GRXCR2: variants seen among roughly 807,000 people sequenced by gnomAD.
The protein encoded by GRXCR2 is glutaredoxin and cysteine rich domain containing 2, also known as glutaredoxin domain-containing cysteine-rich protein 2.
A neutral mutation model predicts 24.8 loss-of-function variants in GRXCR2; 23 were observed. The ratio of observed to expected loss-of-function variants is 0.93; its 90% CI spans 0.67 to 1.32. GRXCR2 has a LOEUF of 1.32. GRXCR2 is among the 40% of genes most tolerant of loss of function. GRXCR2 has a pLI of 0.00. For missense variants in GRXCR2, 315 were observed against 303.4 expected, an observed-to-expected ratio of 1.04 and a Z score of -0.28; for synonymous variants, 130 against 116.1, an observed-to-expected ratio of 1.12 and a Z score of -0.77.
intron 2 of GRXCR2, among the ~76,000 whole-genome samples, chr5:145,889,282 T>G (rs1459517246): frequency 6.6e-6 from 1 of 150,706 alleles, no homozygotes; most frequent in Non-Finnish European, 1.5e-5. Flanking sequence ...GGGGGAAGTG[T>G]TGGGGTTGGG....
At chr5:145,920,256 C>T (rs994786229) in intron 2 of GRXCR2, among the ~76,000 whole-genome samples, 2 of 152,174 alleles carry the variant, frequency 1.3e-5, no homozygotes, top group African/African-American at 2.4e-5. Flanking sequence ...CTGTCCTCAA[C>T]GTGTGGTCCT....
chr5:145,860,091 G>C (rs1172304979), intron 2 of GRXCR2, among the ~76,000 whole-genome samples, 176 bp from the exon 3 acceptor site: 4 of 152,192 alleles, frequency 2.6e-5, no homozygotes, highest in South Asian at 2.1e-4. Flanking sequence ...AATTTTATCA[G>C]AGAGGATTCC....
chr5:145,898,864 C>T (rs1310199869), intron 2 of GRXCR2, among the ~76,000 whole-genome samples: 1 of 151,762 alleles, frequency 6.6e-6, no homozygotes, highest in Non-Finnish European at 1.5e-5. Context: ...TTGAAGATGT[C>T]CACACTCACA....
chr5:145,878,707 A>T (rs1158929039), intron 2 of GRXCR2, among the ~76,000 whole-genome samples: 1 of 152,190 alleles, frequency 6.6e-6, no homozygotes, highest in Non-Finnish European at 1.5e-5. Flanking sequence ...TAACACAAAG[A>T]TACTCCTCGA....
At chr5:145,892,717 T>C (rs982999513) in intron 2 of GRXCR2, among the ~76,000 whole-genome samples, 5 of 152,182 alleles carry the variant, frequency 3.3e-5, no homozygotes, top group South Asian at 2.1e-4. Flanking sequence ...TGCAGGATAT[T>C]ATCCAGGAAA....
chr5:145,881,472 A>T (rs1756700018), intron 2 of GRXCR2, among the ~76,000 whole-genome samples: 1 of 152,218 alleles, frequency 6.6e-6, no homozygotes, highest in Non-Finnish European at 1.5e-5. Context: ...CTTACAAGGG[A>T]TGTGAAGGAC....
At chr5:145,871,283 C>G (rs1434673679) in intron 1 of GRXCR2, among the ~76,000 whole-genome samples, 1 of 152,042 alleles carries the variant, frequency 6.6e-6, no homozygotes, top group Non-Finnish European at 1.5e-5. Context: ...AATAAGCACT[C>G]AACAAATGGT....
Position 145,866,669 on chromosome 5 carries a change from A to C in GRXCR2, c.396T>G (p.Ile132Met). The part of the protein sequence containing the change: ...IIIYTNNLKI[I>M]RTPMDKRDFV... Reference sequence around the variant, plus strand: ...AATCTCTCTTGTCCATTGGGGTTCGAATGATTTTCAGGTTATTAGTGTAGA... The same window carrying C: ...AATCTCTCTTGTCCATTGGGGTTCGCATGATTTTCAGGTTATTAGTGTAGA... The change falls in exon 2 of 3, where the codon ATT becomes ATG. Residue 132 changes from isoleucine to methionine, a missense_variant. Coordinates refer to ENST00000377976, the MANE Select transcript of GRXCR2 (RefSeq NM_001080516.2). The C allele has an allele frequency of 6.2e-7, 1 of 1,613,880 alleles. No individual in the cohort carries two copies. The highest frequency in any genetic ancestry group is 1.7e-5 in the Admixed American group (1 of 60,018).
chr5:145,883,840 A>T (rs1049479123), intron 2 of GRXCR2, among the ~76,000 whole-genome samples: 1 of 152,188 alleles, frequency 6.6e-6, no homozygotes, highest in Non-Finnish European at 1.5e-5. Flanking sequence ...GTCAGCCGAG[A>T]TCGCACCACT....
chr5:145,892,443 C>G (rs1353693723), intron 2 of GRXCR2, among the ~76,000 whole-genome samples: 1 of 152,078 alleles, frequency 6.6e-6, no homozygotes, highest in Non-Finnish European at 1.5e-5. Context: ...CTTAAAGGAC[C>G]TGATGGAGCT....
At chr5:145,896,236 T>A (rs1019581538) in intron 2 of GRXCR2, among the ~76,000 whole-genome samples, 105 of 152,182 alleles carry the variant, frequency 6.9e-4, no homozygotes, top group African/African-American at 2.5e-3. Context: ...GGACTTCATG[T>A]CTAAAACACC....
At chr5:145,904,216 A>G (rs1561687519) in intron 2 of GRXCR2, among the ~76,000 whole-genome samples, 1 of 152,122 alleles carries the variant, frequency 6.6e-6, no homozygotes, top group Non-Finnish European at 1.5e-5. Flanking sequence ...ACACTAGGAA[A>G]CACACAAATG....
chr5:145,913,486 A>G (rs1159290383), intron 2 of GRXCR2, among the ~76,000 whole-genome samples: 1 of 152,216 alleles, frequency 6.6e-6, no homozygotes. Context: ...TATAAAATAA[A>G]GGTATTTTAA....
At chr5:145,929,305 C>T (rs896773752) in intron 2 of GRXCR2, among the ~76,000 whole-genome samples, 5 of 150,298 alleles carry the variant, frequency 3.3e-5, no homozygotes, top group African/African-American at 1.2e-4. Context: ...CTATAAGGAA[C>T]ACACTTGGAT....
At chr5:145,882,705 G>T (rs1756720514) in intron 2 of GRXCR2, among the ~76,000 whole-genome samples, 1 of 152,020 alleles carries the variant, frequency 6.6e-6, no homozygotes. Flanking sequence ...TCATGCTGCT[G>T]TAAAGACACA....
At chr5:145,909,468 C>A (rs1757134625) in intron 2 of GRXCR2, among the ~76,000 whole-genome samples, 2 of 148,292 alleles carry the variant, frequency 1.3e-5, no homozygotes, top group South Asian at 4.4e-4. Flanking sequence ...AGTTATCACT[C>A]ACATGTCACA....
At chr5:145,916,265 C>G (rs1039877660) in intron 2 of GRXCR2, among the ~76,000 whole-genome samples, 1 of 152,110 alleles carries the variant, frequency 6.6e-6, no homozygotes, top group African/African-American at 2.4e-5. Flanking sequence ...ATCCTCAAGA[C>G]AAGGCTGCAT....
chr5:145,876,728 C>G (rs1459452660), upstream of GRXCR2, among the ~76,000 whole-genome samples: 1 of 152,114 alleles, frequency 6.6e-6, no homozygotes, highest in Non-Finnish European at 1.5e-5. Context: ...TTCAGTGAGC[C>G]AACCTAAAAT....
intron 2 of GRXCR2, among the ~76,000 whole-genome samples, chr5:145,881,898 T>C (rs1024332846): frequency 1.3e-5 from 2 of 152,094 alleles, no homozygotes; most frequent in Non-Finnish European, 2.9e-5. Context: ...TTGACAAACT[T>C]GACAAAAACA....
Sources: gnomAD v4.1 joint callset for allele counts (sites outside exome capture counted in the v4.1 genomes callset) on GRCh38, gnomAD v4.1.1 for gene constraint, MANE v1.5 for transcripts, NCBI Gene and HGNC (gene_info 2026-07-23, HGNC 2026-07-21) for gene names.